VPS13A: variants seen among roughly 807,000 people sequenced by gnomAD.
VPS13A encodes vacuolar protein sorting 13 homolog A.
In VPS13A, 264 loss-of-function variants were observed where a neutral mutation model predicts 390.9. The observed-to-expected ratio is 0.68, with a 90% CI of 0.61 to 0.75. VPS13A has a LOEUF of 0.75. Among genes scored for constraint, VPS13A ranks in the 30% least tolerant of loss-of-function variants. The pLI is 0.00. For synonymous variants in VPS13A, 1,231 were observed against 1,227.1 expected, an observed-to-expected ratio of 1.00 and a Z score of -0.07; for missense variants, 3,409 against 3,733.9, an observed-to-expected ratio of 0.91 and a Z score of 2.27.
At chr9:77,205,584 T>C (rs1825592066) in intron 4 of VPS13A, among the ~76,000 whole-genome samples, 176 bp downstream of exon 4, 2 of 151,776 alleles carry the variant, frequency 1.3e-5, no homozygotes, top group Admixed American at 1.3e-4. Flanking sequence ...GAATTATTTA[T>C]TATTTATTTA....
chr9:77,189,244 G>A (rs143582423), intron 1 of VPS13A, among the ~76,000 whole-genome samples: 120 of 151,294 alleles, frequency 7.9e-4, no homozygotes, highest in African/African-American at 2.7e-3. Context: ...ATAGTTTTAG[G>A]TTTTACATTT....
Position 77,351,402 on chromosome 9 carries a change from A to C in VPS13A, c.7375A>C (p.Lys2459Gln), listed in dbSNP as rs1831457951. 6.2e-7 allele frequency: 1 copy of C among 1,613,842 alleles called. No individual in the cohort carries two copies. The highest frequency in any genetic ancestry group is 1.1e-5 in the South Asian group (1 of 91,088). ...TGATCCGGTGGGCTCTAGAAGGCTGAAGTGGAGATGTAGAAAAAGCCATGG... is the reference window on the plus strand; with the variant it reads ...TGATCCGGTGGGCTCTAGAAGGCTGCAGTGGAGATGTAGAAAAAGCCATGG... ...WADPVGSRRLKWRCRKSHGEV... is the reference protein window; with the variant it reads ...WADPVGSRRLQWRCRKSHGEV... Residue 2459 changes from lysine (K) to glutamine (Q), a missense_variant, in exon 53 of 72, where the codon AAG becomes CAG. This residue lies in a region of VPS13A where 2,717 missense variants were observed against 2,917.4 expected (regional missense o/e 0.93). Transcript: ENST00000360280.
In VPS13A at chr9:77,227,469, C is replaced by T. The variant is rs1294589937; in HGVS notation, c.1436C>T (p.Pro479Leu). 2.5e-6 allele frequency: 4 copies of T among 1,611,990 alleles called. No homozygotes were observed. The highest frequency in any genetic ancestry group is 1.3e-5 in the African/African-American group (1 of 74,950). The change falls in exon 16 of 72, where the codon CCA (proline) becomes CTA (leucine). Residue 479 changes from proline to leucine, a missense_variant. Physicochemically the swap from Pro to Leu is moderately conservative, Grantham distance 98. This residue lies in a region of VPS13A where 2,717 missense variants were observed against 2,917.4 expected (regional missense o/e 0.93). Coordinates refer to ENST00000360280, the MANE Select transcript of VPS13A (RefSeq NM_033305.3). ...AIGYSETAVDPTLLKTFEALK... is the reference protein window; with the variant it reads ...AIGYSETAVDLTLLKTFEALK... ...GGCTATAGTGAAACAGCAGTTGATCCAACTTTACTAAAAACAGTAAGATGT... is the reference window on the plus strand; with the variant it reads ...GGCTATAGTGAAACAGCAGTTGATCTAACTTTACTAAAAACAGTAAGATGT...
intron 31 of VPS13A, among the ~76,000 whole-genome samples, chr9:77,288,503 C>A (rs1310912901): frequency 1.3e-5 from 2 of 152,132 alleles, no homozygotes; most frequent in Non-Finnish European, 2.9e-5. Flanking sequence ...TTTCTAATTT[C>A]TCTTCTGACT....
At chr9:77,259,312 G>A (rs1475254397) in intron 22 of VPS13A, among the ~76,000 whole-genome samples, 1 of 152,102 alleles carries the variant, frequency 6.6e-6, no homozygotes, top group African/African-American at 2.4e-5. Context: ...AAAAGTTTAA[G>A]TGCATTAAGA....
intron 19 of VPS13A, among the ~76,000 whole-genome samples, chr9:77,246,686 G>T (rs1027516866): frequency 1.3e-5 from 2 of 151,914 alleles, no homozygotes; most frequent in Non-Finnish European, 2.9e-5. Flanking sequence ...AGATGAATTT[G>T]GTATACTAAT....
At chr9:77,200,720 C>A (rs192096190) in intron 2 of VPS13A, among the ~76,000 whole-genome samples, 2 of 152,214 alleles carry the variant, frequency 1.3e-5, no homozygotes, top group African/African-American at 2.4e-5. Context: ...AAGACTAGTT[C>A]ATTTTTTTAA....
Position 77,280,159 on chromosome 9 carries a change from A to G in VPS13A, c.2825A>G (p.Asp942Gly), listed in dbSNP as rs769962967. 2.5e-6 allele frequency: 4 copies of G among 1,604,288 alleles called. No homozygotes were observed. Among genetic ancestry groups the G allele is most frequent in the East Asian group, 4.5e-5 (2 of 44,650 alleles). ...EFCLKCPEYL[D>G]ENKKPVYLVT... ...ATAATTTTTAAAAAATTATTTTTAG[A>G]TGAAAACAAGAAACCAGTTTATTTG... is the stretch of plus-strand genomic sequence containing the variant. The change falls in exon 27 of 72, where the codon GAT becomes GGT. Residue 942 changes from aspartate to glycine, a missense_variant and splice_region_variant. Asp to Gly is a moderately conservative substitution (Grantham distance 94, BLOSUM62 -1). Around this residue, in one of 5 missense-constraint regions of VPS13A, gnomAD observed 2,717 missense variants for 2,917.4 expected, o/e 0.93. Coordinates refer to ENST00000360280, the MANE Select transcript of VPS13A (RefSeq NM_033305.3).
intron 22 of VPS13A, among the ~76,000 whole-genome samples, chr9:77,257,949 AG>A (rs1290991809): frequency 1.3e-5 from 2 of 152,238 alleles, no homozygotes; most frequent in East Asian, 3.8e-4. Flanking sequence ...GAAAATAAAT[AG>A]TAGAGTTATA....
rs78153184 is a variant in VPS13A, at chr9:77,384,495, T to G, written c.9189+2408T>G. The G allele has an allele frequency of 2.9e-3, 4,623 of 1,569,038 alleles. 17 individuals carry two copies. The highest frequency in any genetic ancestry group is 0.024 in the Middle Eastern group (139 of 5,876). Reference sequence around the variant, plus strand: ...ATCTGCTTTAAAATTATTCTCACTCTTTGAACATTTCATAATCTTACATGT... The same window carrying G: ...ATCTGCTTTAAAATTATTCTCACTCGTTGAACATTTCATAATCTTACATGT... On this transcript the variant is annotated intron_variant, in intron 68 of 71. Coordinates refer to ENST00000360280, the MANE Select transcript of VPS13A (RefSeq NM_033305.3).
chr9:77,282,883 A>G (rs895441254), intron 29 of VPS13A, among the ~76,000 whole-genome samples: 3 of 152,084 alleles, frequency 2.0e-5, no homozygotes, highest in African/African-American at 7.2e-5. Flanking sequence ...CAGGAATTCA[A>G]GGTTGCAGCG....
Position 77,194,266 on chromosome 9 carries a change from T to C in VPS13A, c.101-5679T>C, listed in dbSNP as rs550502830. Among the ~76,000 whole-genome samples, 3 of 151,678 alleles carry C rather than the reference T, an allele frequency of 2.0e-5. No homozygotes were observed. The East Asian group carries it at 5.8e-4, about 29-fold the overall frequency. On this transcript the variant is annotated intron_variant, in intron 1 of 71. Coordinates refer to ENST00000360280, the MANE Select transcript of VPS13A (RefSeq NM_033305.3). ...CTTGCCAGCAAAGGAGCTATAGTGG[T>C]GGCTGTCGGGAAGTGCTGCGGTTGG...
intron 19 of VPS13A, among the ~76,000 whole-genome samples, chr9:77,240,146 A>ATT (rs779179934): frequency 1.5e-4 from 16 of 109,004 alleles, no homozygotes; most frequent in African/African-American, 5.0e-4. Context: ...TTGGAAGTTC[A>ATT]TTTTTTTTTT....
chr9:77,383,151 A>G (rs1833529368), intron 68 of VPS13A: 1 of 648,792 alleles, frequency 1.5e-6, no homozygotes, highest in Non-Finnish European at 1.9e-6. Flanking sequence ...TCAGTATTTT[A>G]CCTATTGCAG....
At chr9:77,203,932 G>A (rs1258409306) in intron 3 of VPS13A, among the ~76,000 whole-genome samples, 1 of 152,154 alleles carries the variant, frequency 6.6e-6, no homozygotes, top group African/African-American at 2.4e-5. Context: ...GCTGATACCT[G>A]TAATCCCGGT....
chr9:77,262,350 A>T (rs182245265), intron 23 of VPS13A, among the ~76,000 whole-genome samples: 2 of 152,166 alleles, frequency 1.3e-5, no homozygotes, highest in Non-Finnish European at 2.9e-5. Context: ...TTCGGGGGTA[A>T]CAGGGGGTTC....
At chr9:77,248,882 C>T (rs1824988233) in intron 20 of VPS13A, among the ~76,000 whole-genome samples, 3 of 152,166 alleles carry the variant, frequency 2.0e-5, no homozygotes, top group African/African-American at 7.2e-5. Context: ...CAGGCGTGTG[C>T]CATCAAGCCC....
At chr9:77,337,048 C>T (rs920831294) in intron 46 of VPS13A, among the ~76,000 whole-genome samples, 4 of 152,032 alleles carry the variant, frequency 2.6e-5, no homozygotes, top group Middle Eastern at 3.4e-3. Context: ...ACGCCCGTCT[C>T]GGCCTCCCAA....
Position 77,353,638 on chromosome 9 carries a change from C to A in VPS13A, c.7649C>A (p.Thr2550Lys). 1 of 1,611,864 alleles carries A rather than the reference C, an allele frequency of 6.2e-7. No homozygotes were observed. The highest frequency in any genetic ancestry group is 8.5e-7 in the Non-Finnish European group (1 of 1,178,356). ...CAAGAAGTAGCCTATATAGGCATTA[C>A]AAGGTTAGATGCATTAAATTTTGGA... Reference protein sequence around the residue: ...TKQEVAYIGITSSDVVWETKP... With the variant: ...TKQEVAYIGIKSSDVVWETKP... The change falls in exon 54 of 72, where the codon ACA becomes AAA. Residue 2550 changes from threonine to lysine, a missense_variant. Transcript: ENST00000360280.
Sources: gnomAD v4.1 joint callset for allele counts (sites outside exome capture counted in the v4.1 genomes callset) on GRCh38, gnomAD v4.1.1 for gene constraint, gnomAD v4.1.1 regional missense constraint, MANE v1.5 for transcripts, NCBI Gene and HGNC (gene_info 2026-07-23, HGNC 2026-07-21) for gene names.